The following GRIK1 variants were observed in gnomAD, a reference collection of about 807,000 sequenced individuals.
GRIK1 encodes glutamate ionotropic receptor kainate type subunit 1.
GRIK1 carries 69 observed loss-of-function variants against 105.7 expected under a neutral mutation model. That is an observed-to-expected ratio of 0.65 (90% CI 0.54 to 0.80). The LOEUF is 0.80. GRIK1 is among the 30% of genes least tolerant of loss of function. The pLI, the probability that GRIK1 is intolerant of heterozygous loss-of-function variation, is 0.00. For missense variants in GRIK1, 1,109 were observed against 1,167.3 expected (o/e 0.95, Z 0.73); for synonymous variants, 438 against 431.3 (o/e 1.02, Z -0.19).
intron 1 of GRIK1, among the ~76,000 whole-genome samples, chr21:29,790,987 C>T (rs936064109): frequency 6.6e-6 from 1 of 152,008 alleles, no homozygotes. Context: ...GAGAGGGGGC[C>T]AACTTTAAAT....
intron 3 of GRIK1, among the ~76,000 whole-genome samples, chr21:29,674,078 T>C (rs1471917842): frequency 6.9e-6 from 1 of 143,896 alleles, no homozygotes; most frequent in African/African-American, 2.5e-5. Context: ...TTTTTTGTTG[T>C]TTTTTTTTTT....
chr21:29,655,823 A>G (rs147352237), intron 4 of GRIK1, among the ~76,000 whole-genome samples: 7 of 152,082 alleles, frequency 4.6e-5, no homozygotes, highest in Admixed American at 3.9e-4. Context: ...GTGAGCGTGT[A>G]TATTGTTTTT....
Position 29,939,623 on chromosome 21 carries a change from G to A in GRIK1, c.-123C>T. The A allele has an allele frequency of 4.9e-6, 3 of 613,208 alleles. No individual in the cohort carries two copies. The South Asian group carries it at 6.4e-5, about 13-fold the overall frequency. The allele number at this position is 613,208 out of a possible 1,614,324, so 38.0% of individuals were successfully genotyped here. On this transcript the variant is annotated 5_prime_UTR_variant, in exon 1 of 18. Transcript: ENST00000327783. ...TGCTCCGGTTCCAAGCACGCTGCGC[G>A]CTCCCCACGGAGCGAGCTCGAGGGA...
At chr21:29,543,627 G>A (rs1046578748) in intron 16 of GRIK1, among the ~76,000 whole-genome samples, 1 of 152,180 alleles carries the variant, frequency 6.6e-6, no homozygotes, top group African/African-American at 2.4e-5. Context: ...CCTAGAGGTT[G>A]AGTGTTGATC....
chr21:29,746,377 A>G (rs1161580080), intron 1 of GRIK1, among the ~76,000 whole-genome samples: 3 of 152,360 alleles, frequency 2.0e-5, no homozygotes, highest in African/African-American at 7.2e-5. Flanking sequence ...TGTAAGGGCA[A>G]GGACAAATAC....
intron 1 of GRIK1, among the ~76,000 whole-genome samples, chr21:29,706,121 G>A (rs999876545): frequency 6.6e-6 from 1 of 152,008 alleles, no homozygotes; most frequent in African/African-American, 2.4e-5. Context: ...TGATCTGTCC[G>A]CCTCGGCCTC....
At chr21:29,749,468 T>C (rs930878597) in intron 1 of GRIK1, among the ~76,000 whole-genome samples, 2 of 152,208 alleles carry the variant, frequency 1.3e-5, no homozygotes, top group African/African-American at 4.8e-5. Context: ...AGCTCTCTGT[T>C]ACTTCTTTGG....
chr21:29,868,652 C>T (rs78828556), intron 1 of GRIK1, among the ~76,000 whole-genome samples: 11,623 of 152,178 alleles, frequency 0.076, 461 homozygotes, highest in African/African-American at 0.11. Context: ...CTATCTCTTT[C>T]CTGCCTGGTC....
chr21:29,859,307 T>C (rs2409353), intron 1 of GRIK1, among the ~76,000 whole-genome samples: 50,754 of 151,350 alleles, frequency 0.34, 9,505 homozygotes, highest in African/African-American at 0.5. Flanking sequence ...CACATGTATA[T>C]ATATGTAACT....
intron 1 of GRIK1, among the ~76,000 whole-genome samples, chr21:29,862,599 C>T (rs1167571327): frequency 6.6e-6 from 1 of 152,174 alleles, no homozygotes; most frequent in Non-Finnish European, 1.5e-5. Context: ...GGCTCATCCT[C>T]CTATAACCTT....
At chr21:29,815,127 T>A (rs945004278) in intron 1 of GRIK1, among the ~76,000 whole-genome samples, 1 of 151,102 alleles carries the variant, frequency 6.6e-6, no homozygotes, top group African/African-American at 2.4e-5. Context: ...TATGTAATAA[T>A]AAAGTCAATG....
intron 1 of GRIK1, among the ~76,000 whole-genome samples, chr21:29,869,856 T>C (rs777023033): frequency 2.0e-5 from 3 of 152,198 alleles, no homozygotes; most frequent in Middle Eastern, 3.2e-3. Context: ...TTTCTCACAA[T>C]CTATTTTCAA....
intron 14 of GRIK1, among the ~76,000 whole-genome samples, chr21:29,570,697 G>A (rs940680156): frequency 6.6e-6 from 1 of 152,046 alleles, no homozygotes. Flanking sequence ...CCAGCTAATT[G>A]GTCTTGGGGT....
At chr21:29,706,896 G>C (rs757458647) in intron 1 of GRIK1, among the ~76,000 whole-genome samples, 1 of 151,806 alleles carries the variant, frequency 6.6e-6, no homozygotes, top group African/African-American at 2.4e-5. Flanking sequence ...GCGGAGTCTC[G>C]CTCTGTTGCC....
At chr21:29,885,265 A>G (rs1203552249) in intron 1 of GRIK1, among the ~76,000 whole-genome samples, 1 of 152,072 alleles carries the variant, frequency 6.6e-6, no homozygotes, top group South Asian at 2.1e-4. Context: ...ATGGTTAAAT[A>G]GTCTTCAACT....
chr21:29,904,705 C>A (rs182550199), intron 1 of GRIK1, among the ~76,000 whole-genome samples: 2 of 152,208 alleles, frequency 1.3e-5, no homozygotes, highest in South Asian at 4.2e-4. Context: ...CTGAACTCCC[C>A]GGAAGCATGT....
intron 7 of GRIK1, among the ~76,000 whole-genome samples, chr21:29,605,390 A>G (rs1392679056): frequency 1.3e-5 from 2 of 152,194 alleles, no homozygotes; most frequent in South Asian, 2.1e-4. Flanking sequence ...TGCAAAGGAC[A>G]TGATCTTGTT....
At chr21:29,622,551 C>G (rs969456065) in intron 7 of GRIK1, among the ~76,000 whole-genome samples, 1 of 152,124 alleles carries the variant, frequency 6.6e-6, no homozygotes, top group African/African-American at 2.4e-5. Context: ...TTCTGAGATG[C>G]CAGGGAGATC....
chr21:29,782,946 A>T (rs1222504027), intron 1 of GRIK1, among the ~76,000 whole-genome samples: 7 of 152,182 alleles, frequency 4.6e-5, no homozygotes, highest in Non-Finnish European at 8.8e-5. Context: ...GTAAAATCGT[A>T]GGTGTGAAAT....
Sources: allele counts gnomAD v4.1 joint callset (sites outside exome capture counted in the v4.1 genomes callset), GRCh38; gene constraint gnomAD v4.1.1; transcripts MANE v1.5; gene names NCBI Gene and HGNC (gene_info 2026-07-23, HGNC 2026-07-21).